ZCCHC7: variants seen among roughly 807,000 people sequenced by gnomAD.
The protein encoded by ZCCHC7 is zinc finger CCHC-type containing 7, also known as zinc finger CCHC domain-containing protein 7.
A neutral mutation model predicts 52.0 loss-of-function variants in ZCCHC7; 35 were observed. The observed-to-expected ratio is 0.67, with a 90% CI of 0.51 to 0.89. The LOEUF (loss-of-function observed/expected upper bound fraction) is 0.89, where lower values mean the gene tolerates loss of function less well. Ranked by LOEUF, ZCCHC7 falls within the 40% of genes least tolerant of loss-of-function variation. The pLI, the probability that ZCCHC7 is intolerant of heterozygous loss-of-function variation, is 0.00. For synonymous variants in ZCCHC7, 217 were observed against 221.5 expected (o/e 0.98, Z 0.18); for missense variants, 574 against 649.1 (o/e 0.88, Z 1.26).
At chr9:37,213,493 A>G (rs1043212425) in intron 2 of ZCCHC7, among the ~76,000 whole-genome samples, 6 of 152,180 alleles carry the variant, frequency 3.9e-5, no homozygotes, top group Admixed American at 2.6e-4. Context: ...TGATACAGGG[A>G]TCCTAATACT....
intron 2 of ZCCHC7, among the ~76,000 whole-genome samples, chr9:37,297,926 A>G (rs762215603): frequency 3.9e-5 from 6 of 152,218 alleles, no homozygotes; most frequent in Non-Finnish European, 5.9e-5. Context: ...ACTAGCTTCT[A>G]TCTTTCAGAA....
intron 2 of ZCCHC7, among the ~76,000 whole-genome samples, chr9:37,260,770 A>G (rs1258767055): frequency 6.6e-6 from 1 of 151,914 alleles, no homozygotes; most frequent in African/African-American, 2.4e-5. Context: ...AAGACTTGAT[A>G]CTCCTCTAGG....
At chr9:37,291,798 A>T (rs180768477) in intron 2 of ZCCHC7, among the ~76,000 whole-genome samples, 1 of 152,162 alleles carries the variant, frequency 6.6e-6, no homozygotes, top group African/African-American at 2.4e-5. Flanking sequence ...GGTTCCAGTG[A>T]TTCTCCTGCC....
At chr9:37,275,683 C>A (rs1244243241) in intron 2 of ZCCHC7, among the ~76,000 whole-genome samples, 2 of 152,138 alleles carry the variant, frequency 1.3e-5, no homozygotes, top group African/African-American at 4.8e-5. Context: ...ACTCTTGTCA[C>A]CCAGGCTGGA....
Position 37,319,496 on chromosome 9 carries a change from C to T in ZCCHC7, c.952-8303C>T, listed in dbSNP as rs534296057. On this transcript the variant is annotated intron_variant, in intron 5 of 8. Transcript: ENST00000336755. ...AGGCTGGAGTGTAGTGGTGCAATCT[C>T]GGCTCACTGCAACCTCCACCTCCCA... 2.6e-3 allele frequency among the ~76,000 whole-genome samples: 399 copies of T among 152,176 alleles called. 2 individuals carry two copies. Among genetic ancestry groups the T allele is most frequent in the African/African-American group, 8.9e-3 (371 of 41,504 alleles).
intron 2 of ZCCHC7, among the ~76,000 whole-genome samples, chr9:37,207,166 A>G (rs1399538305): frequency 1.3e-5 from 2 of 152,204 alleles, no homozygotes; most frequent in African/African-American, 2.4e-5. Context: ...CTTATTGTTT[A>G]GAGTTGAAGT....
intron 2 of ZCCHC7, among the ~76,000 whole-genome samples, chr9:37,211,958 C>T (rs1303002831): frequency 6.9e-5 from 9 of 129,668 alleles, no homozygotes; most frequent in Admixed American, 6.7e-4. Context: ...AACCCGGAGG[C>T]GGAGCTTGCA....
At chr9:37,234,847 T>C (rs1825569070) in intron 2 of ZCCHC7, among the ~76,000 whole-genome samples, 1 of 152,220 alleles carries the variant, frequency 6.6e-6, no homozygotes. Context: ...AGCCACTCTT[T>C]TAACAATTTA....
intron 2 of ZCCHC7, among the ~76,000 whole-genome samples, chr9:37,192,747 T>C (rs1394934020): frequency 6.6e-6 from 1 of 152,226 alleles, no homozygotes; most frequent in Non-Finnish European, 1.5e-5. Flanking sequence ...TATTAGTCGA[T>C]AGATGTCATC....
intron 2 of ZCCHC7, among the ~76,000 whole-genome samples, chr9:37,166,806 G>A (rs1045146421): frequency 1.8e-4 from 27 of 152,144 alleles, no homozygotes; most frequent in African/African-American, 5.8e-4. Flanking sequence ...TTTGACCCAG[G>A]GGTTATTTAG....
chr9:37,308,151 A>G (rs865988592), intron 5 of ZCCHC7, among the ~76,000 whole-genome samples: 3 of 152,194 alleles, frequency 2.0e-5, no homozygotes, highest in Non-Finnish European at 2.9e-5. Context: ...TGAATACTCT[A>G]TTCTCAAGGC....
chr9:37,232,267 AT>A (rs1277870213), intron 2 of ZCCHC7, among the ~76,000 whole-genome samples: 1 of 152,226 alleles, frequency 6.6e-6, no homozygotes, highest in Non-Finnish European at 1.5e-5. Flanking sequence ...TCTTGTCAAA[AT>A]TTAGGAAGCT....
chr9:37,246,200 A>C (rs1314008950), intron 2 of ZCCHC7, among the ~76,000 whole-genome samples: 1 of 152,128 alleles, frequency 6.6e-6, no homozygotes, highest in South Asian at 2.1e-4. Context: ...TCAAGTTTGA[A>C]AGTGGACAAA....
At chr9:37,329,094 TTA>T (rs1418082598) in intron 6 of ZCCHC7, among the ~76,000 whole-genome samples, 2 of 151,872 alleles carry the variant, frequency 1.3e-5, no homozygotes, top group African/African-American at 2.4e-5. Flanking sequence ...TAGAATCTAA[TTA>T]TATGTTATAC....
intron 2 of ZCCHC7, among the ~76,000 whole-genome samples, chr9:37,196,505 T>G (rs935351892): frequency 6.6e-6 from 1 of 152,216 alleles, no homozygotes; most frequent in African/African-American, 2.4e-5. Context: ...TTATTTTTAG[T>G]GGTGCAGCGA....
intron 2 of ZCCHC7, among the ~76,000 whole-genome samples, chr9:37,207,272 T>C (rs4526442): frequency 0.14 from 20,873 of 152,184 alleles, 1,737 homozygotes; most frequent in Non-Finnish European, 0.17. Flanking sequence ...TTTGAAAGCT[T>C]TTTTTAGCAC....
At chr9:37,212,026 C>CAAAAAAAAAAAAAAAAAAAAA (rs574190937) in intron 2 of ZCCHC7, among the ~76,000 whole-genome samples, 3 of 55,426 alleles carry the variant, frequency 5.4e-5, no homozygotes, top group Admixed American at 5.9e-4. Flanking sequence ...GACTCCGTCT[C>CAAAAAAAAAAAAAAAAAAAAA]AAAAAAAAAA....
intron 8 of ZCCHC7, among the ~76,000 whole-genome samples, chr9:37,355,142 T>A (rs1821617771): frequency 1.3e-5 from 2 of 152,210 alleles, no homozygotes; most frequent in South Asian, 4.1e-4. Flanking sequence ...GGTAATTATT[T>A]TTTTTTCCAT....
rs773113023 is a variant in ZCCHC7 at position 37,349,381 on chromosome 9, C to T, written c.1012C>T (p.Pro338Ser). Reference protein sequence around the residue: ...LTTKPGPPKKPKTPSRPSALA... With the variant: ...LTTKPGPPKKSKTPSRPSALA... ...GACCAAACCTGGACCACCCAAAAAGCCGAAGACCCCTTCAAGACCATCAGC... is the reference window on the plus strand; with the variant it reads ...GACCAAACCTGGACCACCCAAAAAGTCGAAGACCCCTTCAAGACCATCAGC... The change falls in exon 7 of 9, where the codon CCG becomes TCG. Residue 338 changes from proline to serine, a missense_variant. Around this residue, in one of 3 missense-constraint regions of ZCCHC7, gnomAD observed 403 missense variants for 461.2 expected, o/e 0.87. Coordinates refer to ENST00000336755, the MANE Select transcript of ZCCHC7 (RefSeq NM_032226.3). 3 of 1,614,042 alleles carry T rather than the reference C, an allele frequency of 1.9e-6. No homozygotes were observed. The highest frequency in any genetic ancestry group is 3.3e-5 in the Admixed American group (2 of 60,016).
Sources: allele counts gnomAD v4.1 joint callset (sites outside exome capture counted in the v4.1 genomes callset), GRCh38; gene constraint gnomAD v4.1.1; regional missense constraint gnomAD v4.1.1; transcripts MANE v1.5; gene names NCBI Gene and HGNC (gene_info 2026-07-23, HGNC 2026-07-21).